Variants in ELOVL5 observed in about 807,000 individuals in gnomAD.
ELOVL5 encodes the protein ELOVL fatty acid elongase 5.
Under a neutral mutation model 38.6 loss-of-function variants are expected in ELOVL5, and 8 were observed. The observed-to-expected ratio is 0.21, with a 90% CI of 0.12 to 0.37. ELOVL5 has a LOEUF of 0.37. Ranked by LOEUF, ELOVL5 falls within the 10% of genes least tolerant of loss-of-function variation. The pLI, the probability that ELOVL5 is intolerant of heterozygous loss-of-function variation, is 1.00. For synonymous variants in ELOVL5, 127 were observed against 133.7 expected, an observed-to-expected ratio of 0.95 and a Z score of 0.34; for missense variants, 280 against 367.8, an observed-to-expected ratio of 0.76 and a Z score of 1.95.
At chr6:53,336,481 G>A (rs771314609) in intron 1 of ELOVL5, among the ~76,000 whole-genome samples, 1 of 152,194 alleles carries the variant, frequency 6.6e-6, no homozygotes, top group Non-Finnish European at 1.5e-5. Flanking sequence ...GCAACACGGT[G>A]AAACCTTGTC....
chr6:53,288,946 G>C (rs1367135452), intron 3 of ELOVL5, among the ~76,000 whole-genome samples: 1 of 152,128 alleles, frequency 6.6e-6, no homozygotes, highest in Non-Finnish European at 1.5e-5. Context: ...TGCTCCTGTA[G>C]TCCCAGCCAC....
Position 53,341,413 on chromosome 6 carries a change from C to A in ELOVL5, c.-9+7404G>T, listed in dbSNP as rs149517186. On this transcript the variant is annotated intron_variant, in intron 1 of 7. Transcript: ENST00000304434. ...TAGGTCTGACAGGTGTACAGCACAG[C>A]AGGGTGGCCAAGATTAGAGTCTTTA... is the stretch of plus-strand genomic sequence containing the variant. Among the ~76,000 whole-genome samples, 3 of 152,292 alleles carry A rather than the reference C, an allele frequency of 2.0e-5. No individual in the cohort carries two copies. In the South Asian group the frequency reaches 6.2e-4, roughly 32 times the overall value.
chr6:53,310,754 A>G (rs1291568345), intron 1 of ELOVL5, among the ~76,000 whole-genome samples: 2 of 152,160 alleles, frequency 1.3e-5, no homozygotes, highest in Admixed American at 6.5e-5. Context: ...CACACAGTTG[A>G]TTTTTAAAAG....
chr6:53,315,920 A>G (rs1768015180), intron 1 of ELOVL5, among the ~76,000 whole-genome samples: 1 of 152,248 alleles, frequency 6.6e-6, no homozygotes, highest in South Asian at 2.1e-4. Flanking sequence ...AATTTCAGTT[A>G]GAGTTCTCTA....
chr6:53,296,163 A>T (rs1265753928), intron 1 of ELOVL5, among the ~76,000 whole-genome samples: 2 of 152,064 alleles, frequency 1.3e-5, no homozygotes, highest in African/African-American at 4.8e-5. Context: ...ATCAATTATT[A>T]TTTTACAGTA....
intron 3 of ELOVL5, among the ~76,000 whole-genome samples, chr6:53,283,543 G>A (rs1029147547): frequency 6.6e-6 from 1 of 152,122 alleles, no homozygotes; most frequent in Non-Finnish European, 1.5e-5. Context: ...TATATCACTG[G>A]GGGGGACAAT....
chr6:53,276,341 A>G, intron 3 of ELOVL5, 85 bp from the exon 4 acceptor site: 1 of 913,232 alleles, frequency 1.1e-6, no homozygotes, highest in Non-Finnish European at 1.8e-6. Flanking sequence ...AGAATCTGTG[A>G]TAATTTACCT....
In ELOVL5 at chr6:53,273,200, A is replaced by T. The variant is rs772383368; in HGVS notation, c.621+20T>A. Reference sequence around the variant, plus strand: ...ATCCACCAGGAAGTAAGTCCTGGGGAAAGAGGCCAAGTCACTCACCAGCTG... The same window carrying T: ...ATCCACCAGGAAGTAAGTCCTGGGGTAAGAGGCCAAGTCACTCACCAGCTG... On this transcript the variant is annotated intron_variant, in intron 6 of 7. Transcript: ENST00000304434. 1.9e-6 allele frequency: 3 copies of T among 1,613,164 alleles called. No individual in the cohort carries two copies. Among genetic ancestry groups the T allele is most frequent in the Non-Finnish European group, 2.5e-6 (3 of 1,179,406 alleles).
chr6:53,318,545 G>A (rs1001426155), intron 1 of ELOVL5, among the ~76,000 whole-genome samples: 5 of 152,036 alleles, frequency 3.3e-5, no homozygotes, highest in African/African-American at 1.2e-4. Flanking sequence ...TCCAGCCTGG[G>A]CAAAACGGTG....
intron 1 of ELOVL5, among the ~76,000 whole-genome samples, chr6:53,302,526 G>A (rs1236956758): frequency 1.3e-5 from 2 of 152,136 alleles, no homozygotes; most frequent in Non-Finnish European, 2.9e-5. Flanking sequence ...CAAATATTAA[G>A]CATCTTGGCC....
At chr6:53,335,385 A>G (rs1769010541) in intron 1 of ELOVL5, among the ~76,000 whole-genome samples, 1 of 152,034 alleles carries the variant, frequency 6.6e-6, no homozygotes, top group South Asian at 2.1e-4. Flanking sequence ...ATGCTCCTCC[A>G]TCACCCAACT....
At chr6:53,310,138 G>A (rs1299270824) in intron 1 of ELOVL5, among the ~76,000 whole-genome samples, 1 of 152,090 alleles carries the variant, frequency 6.6e-6, no homozygotes, top group Non-Finnish European at 1.5e-5. Context: ...TTACAAGCAC[G>A]GCCTAATAAA....
chr6:53,346,838 T>C (rs143967763), intron 1 of ELOVL5, among the ~76,000 whole-genome samples: 5 of 152,242 alleles, frequency 3.3e-5, no homozygotes, highest in African/African-American at 9.6e-5. Context: ...GAAGAGGTAG[T>C]GGAAAAAAAG....
At chr6:53,291,210 T>C (rs1357120255) in intron 3 of ELOVL5, among the ~76,000 whole-genome samples, 2 of 152,216 alleles carry the variant, frequency 1.3e-5, no homozygotes, top group East Asian at 3.8e-4. Flanking sequence ...TGCAGTGATA[T>C]AAAATAACTG....
rs576024530 is a variant in ELOVL5, at chr6:53,294,732, A to T, written c.58+910T>A. ...TGTTCTTTTCAATGGGCCATACACTAATTTACAGAACCTCTCCCCTACTGA... is the reference window on the plus strand; with the variant it reads ...TGTTCTTTTCAATGGGCCATACACTTATTTACAGAACCTCTCCCCTACTGA... On this transcript the variant is annotated intron_variant, in intron 2 of 7. Coordinates refer to ENST00000304434, the MANE Select transcript of ELOVL5 (RefSeq NM_021814.5). Among the ~76,000 whole-genome samples, 57 of 152,276 alleles carry T rather than the reference A, an allele frequency of 3.7e-4. 1 individual carries two copies. Among genetic ancestry groups the T allele is most frequent in the African/African-American group, 1.2e-3 (51 of 41,550 alleles).
intron 3 of ELOVL5, among the ~76,000 whole-genome samples, chr6:53,278,716 T>C (rs1432626136): frequency 6.6e-6 from 1 of 152,166 alleles, no homozygotes; most frequent in Non-Finnish European, 1.5e-5. Context: ...ACCATTCCTC[T>C]TCCACCTGTT....
At chr6:53,289,406 G>A (rs573809632) in intron 3 of ELOVL5, among the ~76,000 whole-genome samples, 127 of 152,276 alleles carry the variant, frequency 8.3e-4, no homozygotes, top group African/African-American at 2.8e-3. Context: ...GCATTCAATG[G>A]AGTAGAAATG....
At chr6:53,281,739 G>A (rs1471379011) in intron 3 of ELOVL5, among the ~76,000 whole-genome samples, 1 of 152,024 alleles carries the variant, frequency 6.6e-6, no homozygotes, top group East Asian at 1.9e-4. Context: ...GTCAAAGCAT[G>A]TGGTTTTTAC....
At chr6:53,325,510 C>T (rs983849301) in intron 1 of ELOVL5, among the ~76,000 whole-genome samples, 6 of 152,180 alleles carry the variant, frequency 3.9e-5, no homozygotes, top group African/African-American at 1.4e-4. Context: ...GAGAGAGTTT[C>T]TGAATGACCG....
Sources: allele counts gnomAD v4.1 joint callset (sites outside exome capture counted in the v4.1 genomes callset), GRCh38; gene constraint gnomAD v4.1.1; transcripts MANE v1.5; gene names NCBI Gene and HGNC (gene_info 2026-07-23, HGNC 2026-07-21).